Variants in ZNF680 observed in about 807,000 individuals in gnomAD.
ZNF680 encodes the protein hypothetical protein FLJ90430.
A neutral mutation model predicts 12.1 loss-of-function variants in ZNF680; 6 were observed. The observed-to-expected ratio is 0.49, with a 90% CI of 0.27 to 0.98. The LOEUF (loss-of-function observed/expected upper bound fraction) is 0.98. Ranked by LOEUF, ZNF680 falls within the 50% of genes least tolerant of loss-of-function variation. The pLI, the probability that ZNF680 is intolerant of heterozygous loss-of-function variation, is 0.12. For missense variants in ZNF680, 561 were observed against 616.3 expected (o/e 0.91, Z 0.95); for synonymous variants, 170 against 199.3 (o/e 0.85, Z 1.24).
the ZNF680 span, among the ~76,000 whole-genome samples, chr7:64,508,142 T>TATATATATATATAC: frequency 2.9e-4 from 32 of 112,188 alleles, 2 homozygotes; most frequent in East Asian, 8.7e-3. Context: ...TATATATATA[T>TATATATATATATAC]ACATAATTTT....
At chr7:64,511,265 G>A in the ZNF680 span, among the ~76,000 whole-genome samples, 29 of 151,998 alleles carry the variant, frequency 1.9e-4, no homozygotes, top group East Asian at 3.9e-4. Context: ...GCAAGACACC[G>A]TCTCAAAAAA....
intron 1 of ZNF680, among the ~76,000 whole-genome samples, chr7:64,554,706 T>C (rs1460656261): frequency 2.0e-5 from 3 of 152,164 alleles, no homozygotes; most frequent in Non-Finnish European, 4.4e-5. Context: ...CCGTGCTCTC[T>C]GAAACATGTG....
At chr7:64,503,484 G>C in the ZNF680 span, among the ~76,000 whole-genome samples, 2,008 of 147,652 alleles carry the variant, frequency 0.014, 56 homozygotes, top group African/African-American at 0.047. Flanking sequence ...GGGTTCAAGC[G>C]ATTCTCCTGC....
At chr7:64,523,924 A>C (rs1791689438) in intron 3 of ZNF680, among the ~76,000 whole-genome samples, 1 of 152,062 alleles carries the variant, frequency 6.6e-6, no homozygotes, top group African/African-American at 2.4e-5. Flanking sequence ...AAAAAAAAAA[A>C]AGAATTTTAA....
In ZNF680 at chr7:64,521,813, C is replaced by A. The variant is rs1330491643; in HGVS notation, c.941G>T (p.Arg314Ile). 2.5e-6 allele frequency: 4 copies of A among 1,612,822 alleles called. No individual in the cohort carries two copies. The African/African-American group carries it at 4.0e-5, about 16-fold the overall frequency. The change falls in exon 4 of 4, where the codon AGA becomes ATA. Residue 314 changes from arginine to isoleucine, a missense_variant. Arg to Ile is a moderately conservative substitution (Grantham distance 97, BLOSUM62 -3). Transcript: ENST00000309683. ...GAAGGGTTTCTCTCCAGTATGAATT[C>A]TCTTATGGTTAGTAAGGGTTGCAAA... ...NWFATLTNHK[R>I]IHTGEKPFKC...
At chr7:64,507,698 A>G in the ZNF680 span, among the ~76,000 whole-genome samples, 1 of 151,992 alleles carries the variant, frequency 6.6e-6, no homozygotes, top group South Asian at 2.1e-4. Context: ...TGTACCCCAT[A>G]AATGTATACA....
chr7:64,561,652 G>A (rs1019656264), intron 1 of ZNF680, among the ~76,000 whole-genome samples: 1 of 152,042 alleles, frequency 6.6e-6, no homozygotes, highest in Non-Finnish European at 1.5e-5. Flanking sequence ...ATGTACACTA[G>A]GGCCGGGCGC....
rs1375069452 is a variant in ZNF680 at position 64,520,423 on chromosome 7, T to C, written c.*738A>G. ...TATTTACAAATAATCTAACAACTTA[T>C]AGATTTTTTTATACTCAACACTCTG... is the stretch of plus-strand genomic sequence containing the variant. On this transcript the variant is annotated 3_prime_UTR_variant, in exon 4 of 4. Transcript: ENST00000309683. 5 of 151,740 alleles carry C rather than the reference T, an allele frequency of 3.3e-5. No homozygotes were observed. The highest frequency in any genetic ancestry group is 2.1e-4 in the South Asian group (1 of 4,828). 9.4% of individuals were successfully genotyped at this position (151,740 alleles called of 1,614,324 possible). A position where few individuals can be genotyped will look rare whatever the true frequency, so the allele number is the denominator to read the frequency against.
At chr7:64,500,833 C>A in the ZNF680 span, 1 of 409,822 alleles carries the variant, frequency 2.4e-6, no homozygotes, top group Middle Eastern at 3.7e-4. Context: ...CAATGGCCAG[C>A]AATGTTACCA....
chr7:64,524,355 C>T (rs957393661), intron 3 of ZNF680, among the ~76,000 whole-genome samples: 1 of 151,836 alleles, frequency 6.6e-6, no homozygotes, highest in Non-Finnish European at 1.5e-5. Flanking sequence ...CACTCAAACT[C>T]CTGACCTCAG....
intron 3 of ZNF680, 88 bp from the exon 4 acceptor site, chr7:64,522,588 T>A: frequency 1.0e-6 from 1 of 999,300 alleles, no homozygotes; most frequent in Non-Finnish European, 1.3e-6. Flanking sequence ...TTACACAAAC[T>A]ACATAAGCAA....
intron 3 of ZNF680, among the ~76,000 whole-genome samples, chr7:64,528,698 C>T (rs143068367): frequency 8.9e-4 from 136 of 152,246 alleles, no homozygotes; most frequent in Non-Finnish European, 1.3e-3. Context: ...TGAGTTCAGA[C>T]ACACCTAGCC....
At chr7:64,543,960 T>G (rs1027792454) in intron 2 of ZNF680, 158 bp from the exon 3 acceptor site, 7 of 723,746 alleles carry the variant, frequency 9.7e-6, no homozygotes, top group Non-Finnish European at 1.5e-5. Context: ...GAAAATACTT[T>G]AAATTTTTAG....
the ZNF680 span, among the ~76,000 whole-genome samples, chr7:64,499,961 C>T: frequency 6.6e-6 from 1 of 152,134 alleles, no homozygotes. Context: ...TGTATGGGAA[C>T]AGACACACAA....
chr7:64,508,521 G>A, the ZNF680 span, among the ~76,000 whole-genome samples: 258 of 151,896 alleles, frequency 1.7e-3, 3 homozygotes, highest in African/African-American at 5.9e-3. Context: ...CTGTACACTC[G>A]CTACGTGACT....
chr7:64,553,649 T>C (rs1410933012), intron 1 of ZNF680, among the ~76,000 whole-genome samples: 1 of 152,236 alleles, frequency 6.6e-6, no homozygotes, highest in South Asian at 2.1e-4. Context: ...GAGGCTGGAC[T>C]GTACTGCCGC....
chr7:64,514,995 A>G (rs1360762870), downstream of ZNF680, among the ~76,000 whole-genome samples: 3 of 151,940 alleles, frequency 2.0e-5, no homozygotes, highest in Non-Finnish European at 4.4e-5. Context: ...GTGAGCCAAG[A>G]TCGCGCCATT....
At chr7:64,525,027 G>C (rs1791760332) in intron 3 of ZNF680, 1 of 148,592 alleles carries the variant, frequency 6.7e-6, no homozygotes, top group African/African-American at 2.5e-5. Context: ...ATGCATTTTT[G>C]AAGAAATAGA....
intron 3 of ZNF680, among the ~76,000 whole-genome samples, chr7:64,535,162 AAG>A (rs1392218957): frequency 2.0e-5 from 3 of 152,116 alleles, no homozygotes; most frequent in Non-Finnish European, 4.4e-5. Flanking sequence ...TAAAAAATAA[AAG>A]AGAATTTGAG....
Sources: allele counts gnomAD v4.1 joint callset (sites outside exome capture counted in the v4.1 genomes callset), GRCh38; gene constraint gnomAD v4.1.1; transcripts MANE v1.5; gene names NCBI Gene and HGNC (gene_info 2026-07-23, HGNC 2026-07-21).